Variants in AIM2 observed in about 807,000 individuals in gnomAD.
AIM2 encodes the protein absent in melanoma 2.
A neutral mutation model predicts 27.7 loss-of-function variants in AIM2; 30 were observed. That is an observed-to-expected ratio of 1.08 (90% CI 0.81 to 1.47). AIM2 has a LOEUF of 1.47. Among genes scored for constraint, AIM2 ranks in the 40% most tolerant of loss-of-function variants. AIM2 has a pLI of 0.00. For missense variants in AIM2, 358 were observed against 411.3 expected (o/e 0.87, Z 1.12); for synonymous variants, 141 against 145.3 (o/e 0.97, Z 0.21).
At chr1:159,059,388 A>G (rs188024211), downstream of AIM2, among the ~76,000 whole-genome samples, 421 of 152,304 alleles carry the variant, frequency 2.8e-3, no homozygotes, top group Non-Finnish European at 5.2e-3. Context: ...TACAGAAGCC[A>G]GTTTTCTCAT....
upstream of AIM2, among the ~76,000 whole-genome samples, chr1:159,079,771 A>G (rs910998671): frequency 1.3e-5 from 2 of 152,160 alleles, no homozygotes; most frequent in Admixed American, 6.6e-5. Flanking sequence ...ACAAATGTAT[A>G]ATGAGTATCC....
intron 2 of AIM2, among the ~76,000 whole-genome samples, chr1:159,069,528 A>G (rs1656260096): frequency 6.6e-6 from 1 of 151,804 alleles, no homozygotes; most frequent in Non-Finnish European, 1.5e-5. Flanking sequence ...CTGCTATGAA[A>G]CAAGGGCTGA....
intron 1 of AIM2, among the ~76,000 whole-genome samples, chr1:159,130,596 T>A (rs1264880696): frequency 2.0e-5 from 3 of 152,110 alleles, no homozygotes; most frequent in Non-Finnish European, 2.9e-5. Context: ...TGATTTCCAC[T>A]GAGTCTTATT....
chr1:159,092,022 A>C (rs1448734955), intron 1 of AIM2, among the ~76,000 whole-genome samples: 1 of 152,276 alleles, frequency 6.6e-6, no homozygotes, highest in Non-Finnish European at 1.5e-5. Flanking sequence ...TTAAGGAAAA[A>C]AACAATTAAG....
intron 3 of AIM2, among the ~76,000 whole-genome samples, chr1:159,066,651 C>T (rs535883056): frequency 4.6e-5 from 7 of 152,170 alleles, no homozygotes; most frequent in Admixed American, 2.0e-4. Flanking sequence ...TGCTAAGCCT[C>T]GGGGTAAATC....
At chr1:159,055,729 AAAGT>A in the AIM2 span, among the ~76,000 whole-genome samples, 2 of 152,254 alleles carry the variant, frequency 1.3e-5, no homozygotes, top group Admixed American at 6.5e-5. Flanking sequence ...AGAATAGCAG[AAAGT>A]AAGTATCTAA....
intron 1 of AIM2, among the ~76,000 whole-genome samples, chr1:159,075,160 A>G (rs1244613247): frequency 6.6e-6 from 1 of 152,210 alleles, no homozygotes; most frequent in Non-Finnish European, 1.5e-5. Context: ...AAAGCTTGGT[A>G]TATAATCAAA....
intron 1 of AIM2, among the ~76,000 whole-genome samples, chr1:159,095,772 A>T (rs184433632): frequency 5.3e-5 from 8 of 152,314 alleles, no homozygotes; most frequent in Admixed American, 1.3e-4. Context: ...AATATCATAC[A>T]TTGTATATTA....
chr1:159,084,778 TACACAC>T (rs113134051), intron 1 of AIM2, among the ~76,000 whole-genome samples: 7,956 of 135,100 alleles, frequency 0.059, 461 homozygotes, highest in East Asian at 0.3. Context: ...CTGTCTGAAA[TACACAC>T]ACACACACAC....
chr1:159,128,689 T>C (rs1276402223), intron 1 of AIM2, among the ~76,000 whole-genome samples: 1 of 152,130 alleles, frequency 6.6e-6, no homozygotes, highest in Non-Finnish European at 1.5e-5. Flanking sequence ...TCCTCAGTGT[T>C]TGCACCCGGG....
At chr1:159,135,422 A>G (rs1018200867) in intron 1 of AIM2, among the ~76,000 whole-genome samples, 1 of 152,230 alleles carries the variant, frequency 6.6e-6, no homozygotes, top group Non-Finnish European at 1.5e-5. Context: ...GTATTTTAAA[A>G]ATGCAGACAT....
At chr1:159,135,697 T>C (rs1179855284) in intron 1 of AIM2, among the ~76,000 whole-genome samples, 1 of 152,224 alleles carries the variant, frequency 6.6e-6, no homozygotes, top group Non-Finnish European at 1.5e-5. Flanking sequence ...GATGGTACCA[T>C]TTCCTTATTT....
At chr1:159,068,163 C>T (rs1351188026) in intron 3 of AIM2, among the ~76,000 whole-genome samples, 2 of 152,114 alleles carry the variant, frequency 1.3e-5, no homozygotes, top group Non-Finnish European at 2.9e-5. Flanking sequence ...TTCTCAGCTC[C>T]CGAGCTCCCT....
chr1:159,119,798 G>C (rs1218267165), intron 1 of AIM2, among the ~76,000 whole-genome samples: 1 of 150,750 alleles, frequency 6.6e-6, no homozygotes, highest in African/African-American at 2.4e-5. Flanking sequence ...GCATGTGTTT[G>C]TGTGTGTGTG....
chr1:159,138,661 C>T lies in AIM2; in HGVS notation c.-16+1770G>A, dbSNP rs367832625. Among the ~76,000 whole-genome samples the T allele has an allele frequency of 4.5e-4, 69 of 152,202 alleles. 1 individual carries two copies. The South Asian group carries it at 0.014, about 31-fold the overall frequency. On this transcript the variant is annotated intron_variant, in intron 1 of 2. Transcript: ENST00000368129. ...TATTTGTTAAATAAGTGAATTAATG[C>T]CTGAAGATACTGTCTGTGCTCCTGC...
chr1:159,138,727 A>G (rs971531000), intron 1 of AIM2, among the ~76,000 whole-genome samples: 4 of 152,168 alleles, frequency 2.6e-5, no homozygotes, highest in Non-Finnish European at 5.9e-5. Flanking sequence ...TTTCCTATCT[A>G]TATAATTTAT....
intron 2 of AIM2, among the ~76,000 whole-genome samples, chr1:159,069,849 T>G (rs967331828): frequency 2.0e-5 from 3 of 152,130 alleles, no homozygotes; most frequent in Non-Finnish European, 4.4e-5. Context: ...GGCCACAGAT[T>G]TCTAATTATG....
At chr1:159,125,464 A>G (rs1198499608) in intron 1 of AIM2, among the ~76,000 whole-genome samples, 1 of 152,242 alleles carries the variant, frequency 6.6e-6, no homozygotes, top group Non-Finnish European at 1.5e-5. Flanking sequence ...TTATATTTTA[A>G]TCTAAAGCTG....
At chr1:159,058,943 T>A (rs533103247), downstream of AIM2, among the ~76,000 whole-genome samples, 3 of 152,246 alleles carry the variant, frequency 2.0e-5, no homozygotes, top group South Asian at 4.1e-4. Context: ...GGGGCCAGGC[T>A]CCTGTCCACT....
Sources: gnomAD v4.1 joint callset for allele counts (sites outside exome capture counted in the v4.1 genomes callset) on GRCh38, gnomAD v4.1.1 for gene constraint, MANE v1.5 for transcripts, NCBI Gene and HGNC (gene_info 2026-07-23, HGNC 2026-07-21) for gene names.